The following FPR1 variants were observed in gnomAD, a reference collection of about 807,000 sequenced individuals.
The protein encoded by FPR1 is formyl peptide receptor 1.
For synonymous variants in FPR1, 193 were observed against 176.7 expected (o/e 1.09, Z -0.73); for missense variants, 407 against 453.0 (o/e 0.90, Z 0.92).
downstream of FPR1, chr19:51,745,468 C>A (rs1599805767): frequency 6.1e-6 from 1 of 163,872 alleles, no homozygotes; most frequent in African/African-American, 2.4e-5. Context: ...TATAAAGTAT[C>A]TTCTTGTATA....
At position 51,746,968 on chromosome 19, in the gene FPR1, C is replaced by T. The variant is rs771642804; in HGVS notation, c.27G>A (p.Thr9=). The change falls in exon 2 of 2, where the codon ACG becomes ACA. Residue 9 remains threonine (T), a synonymous_variant. Transcript: ENST00000304748. The surrounding 1 kb of genome is among the most constrained non-coding windows in gnomAD (Gnocchi z 4.3). Reference sequence around the variant, plus strand: ...CAGCAGGTGTCCCTCCAGAGATGTTCGTGGGGAGAGAGGAATTTGTCTCCA... The same window carrying T: ...CAGCAGGTGTCCCTCCAGAGATGTTTGTGGGGAGAGAGGAATTTGTCTCCA... METNSSLP[T]NISGGTPAVS... is the part of the protein sequence containing the mutation. The T allele has an allele frequency of 6.2e-6, 10 of 1,612,444 alleles. No homozygotes were observed. The Admixed American group carries it at 1.0e-4, about 16-fold the overall frequency.
chr19:51,746,203 G>A lies in FPR1; in HGVS notation c.792C>T (p.Ala264=). ...WSPYQVVALI[A]TVRIRELLQG... ...GCAATAACTCACGGATTCTGACTGT[G>A]GCTATAAGGGCCACCACCTGATATG... The change falls in exon 2 of 2, where the codon GCC becomes GCT. Residue 264 remains alanine, a synonymous_variant. Coordinates refer to ENST00000304748, the MANE Select transcript of FPR1 (RefSeq NM_002029.4). The surrounding 1 kb of genome is among the most constrained non-coding windows in gnomAD (Gnocchi z 4.3). 1 of 1,614,134 alleles carries A rather than the reference G, an allele frequency of 6.2e-7. No homozygotes were observed. Among genetic ancestry groups the A allele is most frequent in the Non-Finnish European group, 8.5e-7 (1 of 1,180,022 alleles).
At chr19:51,748,437 T>C (rs1346368539) in intron 1 of FPR1, among the ~76,000 whole-genome samples, 1 of 152,208 alleles carries the variant, frequency 6.6e-6, no homozygotes, top group African/African-American at 2.4e-5. Flanking sequence ...CTTAATGCCA[T>C]TGAATTGTAC....
At position 51,745,894 on chromosome 19, in the gene FPR1, G is replaced by T. The variant is rs758693906; in HGVS notation, c.*48C>A. 3 of 1,504,188 alleles carry T rather than the reference G, an allele frequency of 2.0e-6. No individual in the cohort carries two copies. In the African/African-American group the frequency reaches 4.1e-5, roughly 21 times the overall value. 93.2% of individuals were successfully genotyped at this position (1,504,188 alleles called of 1,614,324 possible). On this transcript the variant is annotated 3_prime_UTR_variant, in exon 2 of 2. Coordinates refer to ENST00000304748, the MANE Select transcript of FPR1 (RefSeq NM_002029.4). ...CCTGTGGCTCAGCCTAACTCAAGGT[G>T]AGACGAAGCTGGAGCTGGGAGCTCG...
chr19:51,750,491 C>T (rs1309966941), intron 1 of FPR1, among the ~76,000 whole-genome samples: 1 of 152,144 alleles, frequency 6.6e-6, no homozygotes, highest in East Asian at 1.9e-4. Context: ...AACTTTGATA[C>T]TCTACAATCT....
chr19:51,747,350 AG>A (rs1198865401), intron 1 of FPR1, among the ~76,000 whole-genome samples: 21 of 151,734 alleles, frequency 1.4e-4, no homozygotes, highest in African/African-American at 5.1e-4. Flanking sequence ...TGAGTAGCTG[AG>A]ACTACAGGTA....
intron 1 of FPR1, 138 bp from the exon 2 acceptor site, chr19:51,747,143 T>A (rs1206028708): frequency 2.4e-5 from 15 of 634,956 alleles, no homozygotes; most frequent in Middle Eastern, 4.3e-4. Context: ...AGCCGGAACA[T>A]CCTCACCACT....
rs1015598098 is a variant in FPR1 at position 51,746,709 on chromosome 19, A to T, written c.286T>A (p.Phe96Ile). 7.4e-6 allele frequency: 12 copies of T among 1,614,038 alleles called. No homozygotes were observed. Among genetic ancestry groups the T allele is most frequent in the Non-Finnish European group, 1.0e-5 (12 of 1,180,032 alleles). Reference sequence around the variant, plus strand: ...ATGGTAAAGACGAATTTGCACAGGAACCAGCCGAAAGGCCAATGTCCTCCC... The same window carrying T: ...ATGGTAAAGACGAATTTGCACAGGATCCAGCCGAAAGGCCAATGTCCTCCC... ...AMGGHWPFGW[F>I]LCKFVFTIVD... The change falls in exon 2 of 2, where the codon TTC becomes ATC. Residue 96 changes from phenylalanine (F) to isoleucine (I), a missense_variant. Transcript: ENST00000304748. The surrounding 1 kb of genome is among the most constrained non-coding windows in gnomAD (Gnocchi z 4.3).
rs939201330 is a variant in FPR1, at chr19:51,745,948, T to C, written c.1047A>G (p.Ala349=). The change falls in exon 2 of 2, where the codon GCA becomes GCG. Residue 349 remains alanine (A), a synonymous_variant. Coordinates refer to ENST00000304748, the MANE Select transcript of FPR1 (RefSeq NM_002029.4). ...GTGTCCCCCAGCTCCCTCCTCACTT[T>C]GCCTGTAACTCCACCTCTGCAGAAG... The part of the protein sequence containing the change: ...TLPSAEVELQ[A]K The C allele has an allele frequency of 3.7e-6, 6 of 1,607,354 alleles. No individual in the cohort carries two copies. In the Admixed American group the frequency reaches 6.7e-5, roughly 18 times the overall value.
rs2083749198 is a variant in FPR1 at position 51,746,715 on chromosome 19, C to T, written c.280G>A (p.Gly94Ser). The part of the protein sequence containing the change: ...RKAMGGHWPF[G>S]WFLCKFVFTI... ...AAGACGAATTTGCACAGGAACCAGC[C>T]GAAAGGCCAATGTCCTCCCATGGCC... The change falls in exon 2 of 2, where the codon GGC becomes AGC. Residue 94 changes from glycine (G) to serine (S), a missense_variant. Transcript: ENST00000304748. The surrounding 1 kb of genome is among the most constrained non-coding windows in gnomAD (Gnocchi z 4.3). 4.3e-6 allele frequency: 7 copies of T among 1,613,964 alleles called. No individual in the cohort carries two copies. The highest frequency in any genetic ancestry group is 2.2e-5 in the South Asian group (2 of 91,088).
chr19:51,746,271 C>T lies in FPR1; in HGVS notation c.724G>A (p.Val242Ile). 6.2e-7 allele frequency: 1 copy of T among 1,614,088 alleles called. No homozygotes were observed. Among genetic ancestry groups the T allele is most frequent in the Non-Finnish European group, 8.5e-7 (1 of 1,180,028 alleles). ...GLIKSSRPLR[V>I]LSFVAAAFFL... ...AAGGCTGCTGCGACAAAGGAGAGGA[C>T]CCGTAAGGGACGACTGGACTTAATC... The change falls in exon 2 of 2, where the codon GTC becomes ATC. Residue 242 changes from valine (V) to isoleucine (I), a missense_variant. Coordinates refer to ENST00000304748, the MANE Select transcript of FPR1 (RefSeq NM_002029.4). This position sits in a 1 kb window ranked among gnomAD's most constrained non-coding sequence, Gnocchi z 4.3.
Position 51,746,916 on chromosome 19 carries a change from T to A in FPR1, c.79A>T (p.Ile27Phe), listed in dbSNP as rs769777199. ...AVSAGYLFLDIITYLVFAVTF... is the reference protein window; with the variant it reads ...AVSAGYLFLDFITYLVFAVTF... The stretch of plus-strand genomic sequence containing the variant: ...ACTGCAAATACCAGATAAGTGATGA[T>A]ATCCAGGAAGAGATAGCCAGCAGAT... Residue 27 changes from isoleucine (I) to phenylalanine (F), a missense_variant, in exon 2 of 2, where the codon ATC (isoleucine) becomes TTC (phenylalanine). Transcript: ENST00000304748. This position sits in a 1 kb window ranked among gnomAD's most constrained non-coding sequence, Gnocchi z 4.3. 3 of 1,614,086 alleles carry A rather than the reference T, an allele frequency of 1.9e-6. No individual in the cohort carries two copies. The highest frequency in any genetic ancestry group is 2.5e-6 in the Non-Finnish European group (3 of 1,180,012).
intron 1 of FPR1, among the ~76,000 whole-genome samples, chr19:51,747,678 G>A (rs1396841160): frequency 1.3e-5 from 2 of 151,964 alleles, no homozygotes; most frequent in Non-Finnish European, 2.9e-5. Context: ...TGTTCATAGA[G>A]ACACTCCTCC....
chr19:51,747,692 T>G (rs980273060), intron 1 of FPR1, among the ~76,000 whole-genome samples: 1 of 152,100 alleles, frequency 6.6e-6, no homozygotes, highest in Non-Finnish European at 1.5e-5. Context: ...CTCCTCCCTA[T>G]AGCCAAAAGG....
intron 1 of FPR1, among the ~76,000 whole-genome samples, chr19:51,748,554 G>A (rs979408259): frequency 5.9e-5 from 9 of 152,282 alleles, no homozygotes; most frequent in South Asian, 2.1e-4. Context: ...TCCGCCTCCC[G>A]CGTTTAAGTG....
At position 51,745,805 on chromosome 19, in the gene FPR1, G is replaced by A; in HGVS notation, c.*137C>T. 2.9e-6 allele frequency: 2 copies of A among 692,210 alleles called. No individual in the cohort carries two copies. Among genetic ancestry groups the A allele is most frequent in the Non-Finnish European group, 4.8e-6 (2 of 415,512 alleles). 42.9% of individuals were successfully genotyped at this position (692,210 alleles called of 1,614,324 possible). A position where few individuals can be genotyped will look rare whatever the true frequency, so the allele number is the denominator to read the frequency against. ...ATATCTGTTTATTCTCCCCAAATCA[G>A]GGGACACAAAGGCTTTTTTTTTTTT... is the stretch of plus-strand genomic sequence containing the variant. On this transcript the variant is annotated 3_prime_UTR_variant, in exon 2 of 2. Coordinates refer to ENST00000304748, the MANE Select transcript of FPR1 (RefSeq NM_002029.4).
chr19:51,746,826 G>A lies in FPR1; in HGVS notation c.169C>T (p.His57Tyr). ...VIWVAGFRMT[H>Y]TVTTISYLNL... ...AGGTAACTGATGGTGGTGACTGTGT[G>A]TGTCATCCGGAATCCAGCCACCCAG... is the stretch of plus-strand genomic sequence containing the variant. The change falls in exon 2 of 2, where the codon CAC becomes TAC. Residue 57 changes from histidine (H) to tyrosine (Y), a missense_variant. By Grantham distance (83) the His-to-Tyr change is moderately conservative. Coordinates refer to ENST00000304748, the MANE Select transcript of FPR1 (RefSeq NM_002029.4). This position sits in a 1 kb window ranked among gnomAD's most constrained non-coding sequence, Gnocchi z 4.3. 1 of 1,614,142 alleles carries A rather than the reference G, an allele frequency of 6.2e-7. No homozygotes were observed. The highest frequency in any genetic ancestry group is 8.5e-7 in the Non-Finnish European group (1 of 1,180,024).
Position 51,751,146 on chromosome 19 carries a change from A to G in FPR1, c.-12+668T>C, listed in dbSNP as rs182315485. ...ATGCCCTTGCCTCTTGCTCCACCAG[A>G]TTCTCCTCCTGCTGGCTCCTGCATC... On this transcript the variant is annotated intron_variant, in intron 1 of 1. Transcript: ENST00000304748. 4.1e-3 allele frequency among the ~76,000 whole-genome samples: 625 copies of G among 151,940 alleles called. 2 individuals carry two copies. Among genetic ancestry groups the G allele is most frequent in the Admixed American group, 6.2e-3 (94 of 15,230 alleles).
Position 51,745,947 on chromosome 19 carries a change from T to C in FPR1, c.1048A>G (p.Lys350Glu). ...AGTGTCCCCCAGCTCCCTCCTCACT[T>C]TGCCTGTAACTCCACCTCTGCAGAA... is the stretch of plus-strand genomic sequence containing the variant. ...LPSAEVELQAK is the reference protein window; with the variant it reads ...LPSAEVELQAE Residue 350 changes from lysine (K) to glutamate (E), a missense_variant, in exon 2 of 2, where the codon AAG becomes GAG. Transcript: ENST00000304748. 4 of 1,607,350 alleles carry C rather than the reference T, an allele frequency of 2.5e-6. No homozygotes were observed. Among genetic ancestry groups the C allele is most frequent in the Non-Finnish European group, 2.6e-6 (3 of 1,174,230 alleles).
Sources: allele counts gnomAD v4.1 joint callset (sites outside exome capture counted in the v4.1 genomes callset), GRCh38; gene constraint gnomAD v4.1.1; non-coding constraint Gnocchi (gnomAD v3.1); transcripts MANE v1.5; gene names NCBI Gene and HGNC (gene_info 2026-07-23, HGNC 2026-07-21).